Variants in ITPRID1 observed in about 807,000 individuals in gnomAD.
ITPRID1 encodes the protein ITPR interacting domain containing 1.
In ITPRID1, 96 loss-of-function variants were observed where a neutral mutation model predicts 95.4. The ratio of observed to expected loss-of-function variants is 1.01; its 90% CI spans 0.85 to 1.19. ITPRID1 has a LOEUF of 1.19. ITPRID1 is among the 50% of genes most tolerant of loss of function. ITPRID1 has a pLI of 0.00. For missense variants in ITPRID1, 1,339 were observed against 1,252.9 expected (o/e 1.07, Z -1.04); for synonymous variants, 510 against 453.6 (o/e 1.12, Z -1.58).
Position 31,646,736 on chromosome 7 carries a change from T to A in ITPRID1, c.2583+2783T>A, listed in dbSNP as rs551306956. On this transcript the variant is annotated intron_variant, in intron 12 of 14. Transcript: ENST00000615280. The stretch of plus-strand genomic sequence containing the variant: ...AAAACAGGGAGGTTTTGTGGCCCAT[T>A]ATGCTCAGTAACTGTCCTCAGACGT... Among the ~76,000 whole-genome samples, 53 of 152,254 alleles carry A rather than the reference T, an allele frequency of 3.5e-4. No individual in the cohort carries two copies. The South Asian group carries it at 3.7e-3, about 11-fold the overall frequency.
At chr7:31,623,643 A>G (rs886991411) in intron 10 of ITPRID1, among the ~76,000 whole-genome samples, 2 of 131,562 alleles carry the variant, frequency 1.5e-5, no homozygotes, top group African/African-American at 5.4e-5. Context: ...CCCACAGCCA[A>G]TATCATACTG....
intron 1 of ITPRID1, among the ~76,000 whole-genome samples, chr7:31,519,597 T>TC (rs1783154731): frequency 1.7e-5 from 1 of 59,816 alleles, no homozygotes; most frequent in Non-Finnish European, 3.3e-5. Flanking sequence ...TCTCTCTCTC[T>TC]CTCTCTCTCT....
rs568010183 is a variant in ITPRID1 at position 31,522,612 on chromosome 7, G to A, written c.-98+8492G>A. Among the ~76,000 whole-genome samples, 33 of 152,286 alleles carry A rather than the reference G, an allele frequency of 2.2e-4. 1 individual carries two copies. The South Asian group carries it at 6.8e-3, about 32-fold the overall frequency. ...CGAGGATCCTTTTTACCCAGTATCAGTCTGTCATGGAAATCTCCTGTTTGC... is the reference window on the plus strand; with the variant it reads ...CGAGGATCCTTTTTACCCAGTATCAATCTGTCATGGAAATCTCCTGTTTGC... On this transcript the variant is annotated intron_variant, in intron 1 of 14. Coordinates refer to ENST00000615280, the MANE Select transcript of ITPRID1 (RefSeq NM_001257967.3).
chr7:31,642,183 G>A lies in ITPRID1; in HGVS notation c.1236G>A (p.Arg412=), dbSNP rs1444090346. Residue 412 remains arginine, a synonymous_variant, in exon 11 of 15, where the codon AGG becomes AGA. Coordinates refer to ENST00000615280, the MANE Select transcript of ITPRID1 (RefSeq NM_001257967.3). ...ACCTCTTTCATTCTGCAGGTGCCAG[G>A]GTGGACAGAGCAAATAGCTGCCAGT... ...LDMTSGTVGA[R]VDRANSCQSD... 5 of 1,559,984 alleles carry A rather than the reference G, an allele frequency of 3.2e-6. No individual in the cohort carries two copies. The highest frequency in any genetic ancestry group is 2.7e-5 in the African/African-American group (2 of 73,580).
intron 10 of ITPRID1, among the ~76,000 whole-genome samples, chr7:31,599,637 CTTTCTTTCTTTTTCTTTCTTTCCTTT>C (rs1786279923): frequency 1.0e-5 from 1 of 97,850 alleles, no homozygotes; most frequent in African/African-American, 4.0e-5. Context: ...TTCTTTCTTT[CTTTCTTTCTTTTTCTTTCTTTCCTTT>C]CTCTCTCTCT....
chr7:31,639,545 T>G (rs200781639), intron 10 of ITPRID1, among the ~76,000 whole-genome samples: 11 of 6,856 alleles, frequency 1.6e-3, no homozygotes, highest in South Asian at 8.2e-3. Context: ...TTTGTTTTTT[T>G]TTTTTTTTTG....
At chr7:31,615,553 GTATAGTCCTTGGTACTCTC>G (rs1448176628) in intron 10 of ITPRID1, among the ~76,000 whole-genome samples, 1 of 152,106 alleles carries the variant, frequency 6.6e-6, no homozygotes, top group East Asian at 1.9e-4. Context: ...GATTATCAAT[GTATAGTCCTTGGTACTCTC>G]TTAAGCAAAA....
chr7:31,620,199 A>G (rs40541), intron 10 of ITPRID1, among the ~76,000 whole-genome samples: 55,939 of 151,930 alleles, frequency 0.37, 10,831 homozygotes, highest in Middle Eastern at 0.46. Flanking sequence ...AAACAAAAAG[A>G]CAGCAGTAAC....
intron 10 of ITPRID1, among the ~76,000 whole-genome samples, chr7:31,592,679 G>A (rs1785916889): frequency 1.3e-5 from 2 of 152,208 alleles, no homozygotes; most frequent in South Asian, 4.1e-4. Context: ...TGCAACCACT[G>A]ATCTGACAGG....
chr7:31,601,711 C>G (rs140991775), intron 10 of ITPRID1, among the ~76,000 whole-genome samples: 1 of 152,300 alleles, frequency 6.6e-6, no homozygotes, highest in East Asian at 1.9e-4. Flanking sequence ...AAAAGGGACT[C>G]TACCGTCACT....
At chr7:31,621,194 T>C (rs1387828418) in intron 10 of ITPRID1, among the ~76,000 whole-genome samples, 1 of 152,088 alleles carries the variant, frequency 6.6e-6, no homozygotes, top group East Asian at 1.9e-4. Context: ...CAGGATATTA[T>C]CCAGGAGAAC....
chr7:31,588,002 C>A (rs900032094), intron 10 of ITPRID1, among the ~76,000 whole-genome samples: 3 of 152,108 alleles, frequency 2.0e-5, no homozygotes, highest in Non-Finnish European at 4.4e-5. Flanking sequence ...TTAATATTCT[C>A]AGTGAGTTGT....
At chr7:31,580,074 G>T (rs865910458) in intron 9 of ITPRID1, among the ~76,000 whole-genome samples, 2 of 152,078 alleles carry the variant, frequency 1.3e-5, no homozygotes, top group African/African-American at 4.8e-5. Context: ...TGAGGCAGCG[G>T]ATCACCTGAG....
chr7:31,648,686 G>A (rs1790696323), intron 12 of ITPRID1, among the ~76,000 whole-genome samples: 2 of 152,154 alleles, frequency 1.3e-5, no homozygotes, highest in Admixed American at 6.5e-5. Context: ...TGATCCTGGC[G>A]TCACTGTCCC....
At chr7:31,561,895 C>T (rs1784635010) in intron 5 of ITPRID1, among the ~76,000 whole-genome samples, 1 of 152,094 alleles carries the variant, frequency 6.6e-6, no homozygotes, top group African/African-American at 2.4e-5. Context: ...CATAGACCTT[C>T]CTGTAACCAC....
chr7:31,596,400 A>C (rs1583549800), intron 10 of ITPRID1, among the ~76,000 whole-genome samples: 1 of 14 alleles, frequency 0.071, no homozygotes, highest in Non-Finnish European at 0.12. Flanking sequence ...AATTCTGACT[A>C]AAAATCTCAG....
chr7:31,522,803 A>G (rs1783307965), intron 1 of ITPRID1, among the ~76,000 whole-genome samples: 1 of 152,224 alleles, frequency 6.6e-6, no homozygotes, highest in Non-Finnish European at 1.5e-5. Context: ...TTTATTTGGT[A>G]GCTCATAATA....
intron 10 of ITPRID1, among the ~76,000 whole-genome samples, chr7:31,616,803 A>G (rs1194930848): frequency 6.6e-6 from 1 of 151,386 alleles, no homozygotes; most frequent in African/African-American, 2.4e-5. Context: ...ATTTTTTGGT[A>G]GCATAAAAAC....
chr7:31,599,694 T>TCTCTCTC (rs1562599189), intron 10 of ITPRID1, among the ~76,000 whole-genome samples: 10 of 95,958 alleles, frequency 1.0e-4, no homozygotes, highest in African/African-American at 2.2e-4. Context: ...CTCTCTCTCT[T>TCTCTCTC]TCTTTCTTTC....
Sources: allele counts gnomAD v4.1 joint callset (sites outside exome capture counted in the v4.1 genomes callset), GRCh38; gene constraint gnomAD v4.1.1; transcripts MANE v1.5; gene names NCBI Gene and HGNC (gene_info 2026-07-23, HGNC 2026-07-21).